The following ZBTB10 variants were observed in gnomAD, a reference collection of about 807,000 sequenced individuals.
The protein encoded by ZBTB10 is zinc finger and BTB domain containing 10, also known as zinc finger and BTB domain-containing protein 10.
ZBTB10 carries 32 observed loss-of-function variants against 76.4 expected under a neutral mutation model. The observed-to-expected ratio is 0.42, with a 90% CI of 0.32 to 0.56. ZBTB10 has a LOEUF of 0.56. Ranked by LOEUF, ZBTB10 falls within the 20% of genes least tolerant of loss-of-function variation. The probability of loss-of-function intolerance (pLI) is 0.14; values close to 1 mark genes in which losing one functional copy is unlikely to be tolerated. For missense variants in ZBTB10, 1,057 were observed against 1,098.5 expected (o/e 0.96, Z 0.53); for synonymous variants, 523 against 432.9 (o/e 1.21, Z -2.58).
At chr8:80,493,544 C>A (rs372571085) in intron 1 of ZBTB10, among the ~76,000 whole-genome samples, 2 of 150,566 alleles carry the variant, frequency 1.3e-5, no homozygotes, top group Non-Finnish European at 3.0e-5. Context: ...AGGCCGGGCG[C>A]GGTGGCTCAG....
rs1388097265 is a variant in ZBTB10, at chr8:80,520,581, A to G, written c.*1053A>G. ...TCAGGTTTTTACCCGTGTCCCTTTT[A>G]TCATGAAAATTAACACAAAATGTGC... On this transcript the variant is annotated 3_prime_UTR_variant, in exon 6 of 6. Transcript: ENST00000455036. 1 of 152,412 alleles carries G rather than the reference A, an allele frequency of 6.6e-6. No individual in the cohort carries two copies. Among genetic ancestry groups the G allele is most frequent in the Non-Finnish European group, 1.5e-5 (1 of 67,918 alleles). 9.4% of individuals were successfully genotyped at this position (152,412 alleles called of 1,614,324 possible).
In ZBTB10 at chr8:80,487,277, G is replaced by T; in HGVS notation, c.467G>T (p.Arg156Leu). The T allele has an allele frequency of 1.9e-6, 3 of 1,550,654 alleles. No homozygotes were observed. Among genetic ancestry groups the T allele is most frequent in the Non-Finnish European group, 1.7e-6 (2 of 1,148,056 alleles). The change falls in exon 1 of 6, where the codon CGA (arginine) becomes CTA (leucine). Residue 156 changes from arginine to leucine, a missense_variant. Physicochemically the swap from Arg to Leu is moderately radical, Grantham distance 102. Coordinates refer to ENST00000455036, the MANE Select transcript of ZBTB10 (RefSeq NM_001105539.3). ...TGGCCCTTGAGGCATTTCAATGGGC[G>T]AGGGCCGGCGACTGTGGATCTGGAG... is the stretch of plus-strand genomic sequence containing the variant. Reference protein sequence around the residue: ...SVWPLRHFNGRGPATVDLELD... With the variant: ...SVWPLRHFNGLGPATVDLELD...
At chr8:80,518,650 C>A in intron 4 of ZBTB10, 71 bp downstream of exon 4, 2 of 1,488,900 alleles carry the variant, frequency 1.3e-6, no homozygotes, top group African/African-American at 1.4e-5. Flanking sequence ...CTTTCATGTT[C>A]TGCATTTTTT....
At chr8:80,497,019 A>T (rs1280819378) in intron 1 of ZBTB10, among the ~76,000 whole-genome samples, 1 of 152,192 alleles carries the variant, frequency 6.6e-6, no homozygotes, top group Non-Finnish European at 1.5e-5. Context: ...TGTAATTTCT[A>T]TAGAGAGCAT....
At position 80,522,514 on chromosome 8, in the gene ZBTB10, G is replaced by T. The variant is rs1242956415; in HGVS notation, c.*2986G>T. 6.6e-6 allele frequency: 1 copy of T among 151,704 alleles called. No homozygotes were observed. Among genetic ancestry groups the T allele is most frequent in the Admixed American group, 6.6e-5 (1 of 15,210 alleles). The allele number at this position is 151,704 out of a possible 1,614,324, so 9.4% of individuals were successfully genotyped here. ...CCCTGTTCATTTTTCTTATTTACTA[G>T]ATATTTTGCTAAATTTAGCACACTA... is the stretch of plus-strand genomic sequence containing the variant. On this transcript the variant is annotated 3_prime_UTR_variant, in exon 6 of 6. Transcript: ENST00000455036.
Position 80,519,398 on chromosome 8 carries a change from C to G in ZBTB10, c.2486C>G (p.Pro829Arg). Reference protein sequence around the residue: ...GVDQGQDTEFPRDEEYEENEV... With the variant: ...GVDQGQDTEFRRDEEYEENEV... ...GATCAGGGACAGGATACAGAATTCC[C>G]TCGGGATGAAGAATACGAGGAGAAT... The change falls in exon 6 of 6, where the codon CCT becomes CGT. Residue 829 changes from proline (P) to arginine (R), a missense_variant. Pro to Arg is a moderately radical substitution (Grantham distance 103). This residue lies in a region of ZBTB10 where 55 missense variants were observed against 65.5 expected (regional missense o/e 0.84). Coordinates refer to ENST00000455036, the MANE Select transcript of ZBTB10 (RefSeq NM_001105539.3). The G allele has an allele frequency of 6.3e-7, 1 of 1,577,578 alleles. No homozygotes were observed. Among genetic ancestry groups the G allele is most frequent in the Non-Finnish European group, 8.6e-7 (1 of 1,162,582 alleles).
chr8:80,511,383 T>G (rs917007647), intron 2 of ZBTB10, among the ~76,000 whole-genome samples: 7 of 152,200 alleles, frequency 4.6e-5, no homozygotes, highest in South Asian at 2.1e-4. Flanking sequence ...GGAAACCCAC[T>G]TGGCAGAATT....
intron 1 of ZBTB10, among the ~76,000 whole-genome samples, chr8:80,493,704 C>T (rs937912709): frequency 2.0e-5 from 3 of 151,172 alleles, no homozygotes; most frequent in Admixed American, 6.6e-5. Context: ...GTGGCGCATG[C>T]CTGTAATCCC....
intron 4 of ZBTB10, 72 bp from the exon 5 acceptor site, chr8:80,518,710 G>GA: frequency 6.7e-7 from 1 of 1,500,372 alleles, no homozygotes; most frequent in South Asian, 1.4e-5. Context: ...CAGAGATAGA[G>GA]ATAAGAAGTT....
chr8:80,494,078 G>T (rs536612522), intron 1 of ZBTB10, among the ~76,000 whole-genome samples: 49 of 152,248 alleles, frequency 3.2e-4, no homozygotes, highest in African/African-American at 1.1e-3. Flanking sequence ...TCTATAAAAT[G>T]AATTTGTTCT....
rs375071529 is a variant in ZBTB10, at chr8:80,493,207, G to GCGCGCGCGCGCGCACA, written c.972+5426_972+5427insGCGCGCGCGCGCACAC. 8.9e-4 allele frequency among the ~76,000 whole-genome samples: 112 copies of GCGCGCGCGCGCGCACA among 125,266 alleles called. 1 individual carries two copies. Among genetic ancestry groups the GCGCGCGCGCGCGCACA allele is most frequent in the Non-Finnish European group, 1.2e-3 (69 of 58,922 alleles). 82.2% of individuals were successfully genotyped at this position (125,266 alleles called of 152,430 possible). A position where few individuals can be genotyped will look rare whatever the true frequency, so the allele number is the denominator to read the frequency against. ...TGTGCCTCAAAACGCGCGCGCGCGCGCACACACACACACACACACACACAC... is the reference window on the plus strand; with the variant it reads ...TGTGCCTCAAAACGCGCGCGCGCGCGCGCGCGCGCGCGCACACACACACACACACACACACACACAC... On this transcript the variant is annotated intron_variant, in intron 1 of 5. Coordinates refer to ENST00000455036, the MANE Select transcript of ZBTB10 (RefSeq NM_001105539.3).
Position 80,519,344 on chromosome 8 carries a change from A to G in ZBTB10, c.2432A>G (p.Lys811Arg). ...GGTGTTTGTGTAGACTGTGCAGATA[A>G]ATCACAGCCAGGAGGGCAAGAAGGT... is the stretch of plus-strand genomic sequence containing the variant. The part of the protein sequence containing the change: ...RYGVCVDCAD[K>R]SQPGGQEGVD... Residue 811 changes from lysine to arginine, a missense_variant, in exon 6 of 6, where the codon AAA becomes AGA. Lys to Arg is a conservative substitution (Grantham distance 26). This residue lies in a region of ZBTB10 where 54 missense variants were observed against 138.1 expected (regional missense o/e 0.39). Transcript: ENST00000455036. 2.5e-6 allele frequency: 4 copies of G among 1,613,710 alleles called. No homozygotes were observed. The East Asian group carries it at 6.7e-5, about 27-fold the overall frequency.
Position 80,525,762 on chromosome 8 carries a change from A to C in ZBTB10, c.*6234A>C, listed in dbSNP as rs1374143249. The C allele has an allele frequency of 6.6e-6, 1 of 152,204 alleles. No homozygotes were observed. The highest frequency in any genetic ancestry group is 1.5e-5 in the Non-Finnish European group (1 of 68,042). 9.4% of individuals were successfully genotyped at this position (152,204 alleles called of 1,614,324 possible). A position where few individuals can be genotyped will look rare whatever the true frequency, so the allele number is the denominator to read the frequency against. ...AGTTAGAAGATTCCAGAGTACACTC[A>C]AATAGTATTTGGCACATAGCTTGTT... On this transcript the variant is annotated 3_prime_UTR_variant, in exon 6 of 6. Transcript: ENST00000455036.
Position 80,523,391 on chromosome 8 carries a change from G to A in ZBTB10, c.*3863G>A, listed in dbSNP as rs1816488181. ...CTTACTACTCTTTCTTCATAAAGCA[G>A]TTGTTTTGTCACTTTGACTATATTA... On this transcript the variant is annotated 3_prime_UTR_variant, in exon 6 of 6. Coordinates refer to ENST00000455036, the MANE Select transcript of ZBTB10 (RefSeq NM_001105539.3). 6.6e-6 allele frequency: 1 copy of A among 151,898 alleles called. No homozygotes were observed. Among genetic ancestry groups the A allele is most frequent in the African/African-American group, 2.4e-5 (1 of 41,390 alleles). 9.4% of individuals were successfully genotyped at this position (151,898 alleles called of 1,614,324 possible).
chr8:80,508,859 TAGTG>T (rs981827074), intron 2 of ZBTB10, among the ~76,000 whole-genome samples: 4 of 152,144 alleles, frequency 2.6e-5, no homozygotes, highest in African/African-American at 4.8e-5. Flanking sequence ...GACTCTGAAG[TAGTG>T]AGTGGTTTTT....
chr8:80,503,828 A>G (rs1371358342), intron 2 of ZBTB10, among the ~76,000 whole-genome samples: 1 of 152,162 alleles, frequency 6.6e-6, no homozygotes, highest in Non-Finnish European at 1.5e-5. Context: ...TCTGCCTGGA[A>G]TAGTATAATT....
chr8:80,495,505 G>A (rs1048506812), intron 1 of ZBTB10, among the ~76,000 whole-genome samples: 21 of 150,498 alleles, frequency 1.4e-4, no homozygotes, highest in African/African-American at 5.1e-4. Context: ...CTCAGGTCTT[G>A]TTTCTTCGAA....
chr8:80,486,825 A>G lies in ZBTB10; in HGVS notation c.15A>G (p.Glu5=), dbSNP rs1197684376. 2 of 1,484,832 alleles carry G rather than the reference A, an allele frequency of 1.3e-6. No individual in the cohort carries two copies. The highest frequency in any genetic ancestry group is 2.6e-5 in the South Asian group (2 of 77,606). 92.0% of individuals were successfully genotyped at this position (1,484,832 alleles called of 1,614,324 possible). ...CGGCGCGCGCCATGTCGTTCAGTGAAATGAACCGCAGGACGCTGGCGTTCC... is the reference window on the plus strand; with the variant it reads ...CGGCGCGCGCCATGTCGTTCAGTGAGATGAACCGCAGGACGCTGGCGTTCC... MSFS[E]MNRRTLAFRG... Residue 5 remains glutamate, a synonymous_variant, in exon 1 of 6, where the codon GAA becomes GAG. Transcript: ENST00000455036.
intron 1 of ZBTB10, among the ~76,000 whole-genome samples, chr8:80,492,612 G>A (rs779946666): frequency 2.0e-4 from 30 of 151,930 alleles, no homozygotes; most frequent in Non-Finnish European, 3.8e-4. Context: ...CTGATTAGCT[G>A]GGACTACAGG....
Sources: gnomAD v4.1 joint callset for allele counts (sites outside exome capture counted in the v4.1 genomes callset) on GRCh38, gnomAD v4.1.1 for gene constraint, gnomAD v4.1.1 regional missense constraint, MANE v1.5 for transcripts, NCBI Gene and HGNC (gene_info 2026-07-23, HGNC 2026-07-21) for gene names.